Variants in GADL1 observed in about 807,000 individuals in gnomAD.
GADL1 encodes acidic amino acid decarboxylase GADL1.
In GADL1, 71 loss-of-function variants were observed where a neutral mutation model predicts 69.5. The observed-to-expected ratio is 1.02, with a 90% CI of 0.84 to 1.25. GADL1 has a LOEUF of 1.25. Among genes scored for constraint, GADL1 ranks in the 50% most tolerant of loss-of-function variants. The pLI is 0.00. For missense variants in GADL1, 737 were observed against 631.8 expected (o/e 1.17, Z -1.79); for synonymous variants, 254 against 214.4 (o/e 1.18, Z -1.62).
Position 30,805,407 on chromosome 3 carries a change from G to C in GADL1, c.1051-4319C>G, listed in dbSNP as rs1467683606. ...GTGAAAAGGAAAATGGCAGAAGAGA[G>C]AACACTGAGCTAGAGGTCAAAATAA... On this transcript the variant is annotated intron_variant, in intron 11 of 14. Coordinates refer to ENST00000282538, the MANE Select transcript of GADL1 (RefSeq NM_207359.3). Among the ~76,000 whole-genome samples, 3 of 152,118 alleles carry C rather than the reference G, an allele frequency of 2.0e-5. No homozygotes were observed. The East Asian group carries it at 5.8e-4, about 29-fold the overall frequency.
At chr3:30,770,942 C>G (rs927997889) in intron 14 of GADL1, among the ~76,000 whole-genome samples, 2 of 151,998 alleles carry the variant, frequency 1.3e-5, no homozygotes, top group South Asian at 4.1e-4. Flanking sequence ...ATGTTTAGAC[C>G]ACAAAACAAT....
chr3:30,735,222 G>A (rs558122919), intron 14 of GADL1, among the ~76,000 whole-genome samples: 16 of 151,624 alleles, frequency 1.1e-4, no homozygotes, highest in African/African-American at 3.7e-4. Flanking sequence ...AACCTTCTAC[G>A]GCAATTGTTT....
chr3:30,784,936 C>G (rs1347953605), intron 13 of GADL1, among the ~76,000 whole-genome samples: 4 of 152,162 alleles, frequency 2.6e-5, no homozygotes, highest in Non-Finnish European at 5.9e-5. Flanking sequence ...AAAGACAGAA[C>G]TCTCTTCAGC....
rs759281058 is a variant in GADL1 at position 30,764,934 on chromosome 3, GA to G, written c.1392+13244del. On this transcript the variant is annotated intron_variant, in intron 14 of 14. Transcript: ENST00000282538. ...TACCATTTCTAGAACATCCTGCAAA[GA>G]GGGGGGACATTTTCATAAGAAACAG... 4.9e-4 allele frequency among the ~76,000 whole-genome samples: 74 copies of G among 152,270 alleles called. 1 individual carries two copies. The highest frequency in any genetic ancestry group is 9.0e-4 in the Non-Finnish European group (61 of 68,024).
chr3:30,813,360 T>A (rs1697396943), intron 11 of GADL1, among the ~76,000 whole-genome samples: 2 of 133,038 alleles, frequency 1.5e-5, no homozygotes, highest in Admixed American at 1.5e-4. Context: ...ATGGATTAAT[T>A]GCATCTCTCC....
intron 11 of GADL1, among the ~76,000 whole-genome samples, chr3:30,824,845 T>A (rs1248969108): frequency 6.6e-6 from 1 of 151,922 alleles, no homozygotes; most frequent in Non-Finnish European, 1.5e-5. Flanking sequence ...TTCTTTATTT[T>A]AATCTGTGTG....
In GADL1 at chr3:30,830,155, C is replaced by T. The variant is rs149881138; in HGVS notation, c.1050+3698G>A. On this transcript the variant is annotated intron_variant, in intron 11 of 14. Transcript: ENST00000282538. Reference sequence around the variant, plus strand: ...ACATGGTCATAAATAATTATTTGACCTACCTCCCCTAAAAGGAGGCTGTTA... The same window carrying T: ...ACATGGTCATAAATAATTATTTGACTTACCTCCCCTAAAAGGAGGCTGTTA... Among the ~76,000 whole-genome samples the T allele has an allele frequency of 4.8e-4, 73 of 151,894 alleles. No individual in the cohort carries two copies. The East Asian group carries it at 0.014, about 29-fold the overall frequency.
At chr3:30,850,224 C>G in intron 5 of GADL1, 113 bp from the exon 6 acceptor site, 2 of 675,092 alleles carry the variant, frequency 3.0e-6, no homozygotes, top group Non-Finnish European at 5.3e-6. Context: ...AATGAAAAAT[C>G]ACCGTGAAAA....
intron 12 of GADL1, among the ~76,000 whole-genome samples, chr3:30,790,170 A>T (rs79257777): frequency 2.1e-3 from 314 of 152,270 alleles, no homozygotes; most frequent in African/African-American, 7.0e-3. Context: ...TAGAGTTATT[A>T]GTTGGCCTAA....
At chr3:30,758,358 C>T (rs1316566380) in intron 14 of GADL1, among the ~76,000 whole-genome samples, 1 of 151,914 alleles carries the variant, frequency 6.6e-6, no homozygotes, top group Non-Finnish European at 1.5e-5. Context: ...AGCCTCCCTC[C>T]AGCTCTTCCT....
chr3:30,753,011 G>A (rs1434535003), intron 14 of GADL1, among the ~76,000 whole-genome samples: 1 of 151,106 alleles, frequency 6.6e-6, no homozygotes, highest in Non-Finnish European at 1.5e-5. Flanking sequence ...TTTAAAAATA[G>A]ATTCCTAAAG....
intron 14 of GADL1, among the ~76,000 whole-genome samples, chr3:30,756,944 A>G (rs752759704): frequency 1.1e-4 from 16 of 152,122 alleles, no homozygotes; most frequent in Admixed American, 2.0e-4. Flanking sequence ...ACCAGAGTCC[A>G]TGGGGGGGAC....
At chr3:30,893,838 C>CT (rs1698817469) in intron 1 of GADL1, among the ~76,000 whole-genome samples, 1 of 152,302 alleles carries the variant, frequency 6.6e-6, no homozygotes, top group Non-Finnish European at 1.5e-5. Context: ...AGAGCTTCAA[C>CT]TTTGAGACTT....
chr3:30,799,937 G>A (rs1206722950), intron 12 of GADL1: 1 of 152,254 alleles, frequency 6.6e-6, no homozygotes, highest in African/African-American at 2.4e-5. Flanking sequence ...GACTACCTCA[G>A]CCTGGACCTT....
chr3:30,866,434 G>T (rs1336584501), intron 1 of GADL1, among the ~76,000 whole-genome samples: 2 of 152,040 alleles, frequency 1.3e-5, no homozygotes, highest in South Asian at 2.1e-4. Context: ...ACTTCAGCCT[G>T]GGCAAAAGAG....
chr3:30,884,926 G>C (rs1698684136), intron 1 of GADL1, among the ~76,000 whole-genome samples: 1 of 151,910 alleles, frequency 6.6e-6, no homozygotes, highest in South Asian at 2.1e-4. Context: ...ATCGTATGGG[G>C]GCAGTGAACT....
chr3:30,855,769 T>C (rs1698221192), intron 3 of GADL1, among the ~76,000 whole-genome samples: 1 of 151,984 alleles, frequency 6.6e-6, no homozygotes, highest in African/African-American at 2.4e-5. Context: ...ATTTGAGTAT[T>C]TGGGAATCAT....
At chr3:30,845,196 A>G (rs975409645) in intron 6 of GADL1, among the ~76,000 whole-genome samples, 9 of 152,214 alleles carry the variant, frequency 5.9e-5, no homozygotes, top group African/African-American at 2.2e-4. Flanking sequence ...AGTGAGGCTA[A>G]TAGATGAATA....
At chr3:30,792,943 G>T (rs1696953280) in intron 12 of GADL1, among the ~76,000 whole-genome samples, 1 of 152,080 alleles carries the variant, frequency 6.6e-6, no homozygotes, top group Admixed American at 6.6e-5. Flanking sequence ...CAAAATCAAG[G>T]TTCTACAGGC....
Sources: gnomAD v4.1 joint callset for allele counts (sites outside exome capture counted in the v4.1 genomes callset) on GRCh38, gnomAD v4.1.1 for gene constraint, MANE v1.5 for transcripts, NCBI Gene and HGNC (gene_info 2026-07-23, HGNC 2026-07-21) for gene names.